The following FRMPD4 variants were observed in gnomAD, a reference collection of about 807,000 sequenced individuals.
FRMPD4 encodes the protein FERM and PDZ domain-containing protein 4.
A neutral mutation model predicts 94.1 loss-of-function variants in FRMPD4; 22 were observed. That is an observed-to-expected ratio of 0.23 (90% CI 0.17 to 0.33). FRMPD4 has a LOEUF of 0.33. FRMPD4 is among the 10% of genes least tolerant of loss of function. FRMPD4 has a pLI of 1.00. For missense variants in FRMPD4, 1,111 were observed against 1,339.9 expected (o/e 0.83, Z 2.67); for synonymous variants, 631 against 548.6 (o/e 1.15, Z -2.10).
chrX:12,701,856 C>G lies in FRMPD4; in HGVS notation c.934-18C>G. The G allele has an allele frequency of 8.3e-7, 1 of 1,209,786 alleles. No homozygotes were observed. Among genetic ancestry groups the G allele is most frequent in the Non-Finnish European group, 1.1e-6 (1 of 893,696 alleles). ...CCTATTCTTTGACAAGCTGTGCCCC[C>G]TGCTGGTCTCTTCGCAGAGTTGTAA... On this transcript the variant is annotated intron_variant, in intron 9 of 16. Transcript: ENST00000675598.
In FRMPD4 at chrX:12,687,982, A is replaced by G. The variant is rs2060043129; in HGVS notation, c.681+1778A>G. Among the ~76,000 whole-genome samples, 3 of 112,190 alleles carry G rather than the reference A, an allele frequency of 2.7e-5. No homozygotes were observed. The South Asian group carries it at 1.1e-3, about 42-fold the overall frequency. On this transcript the variant is annotated intron_variant, in intron 7 of 16. Coordinates refer to ENST00000675598, the MANE Select transcript of FRMPD4 (RefSeq NM_001368397.1). ...AGCGCAGACTATCTGGTATGGCCCA[A>G]GGCCACCCAGTAAACAAAAATACTC...
chrX:12,356,762 A>C (rs948676659), intron 1 of FRMPD4, among the ~76,000 whole-genome samples: 15 of 112,217 alleles, frequency 1.3e-4, no homozygotes, highest in African/African-American at 4.9e-4. Context: ...TGTGCTATTA[A>C]AAAAAGCATA....
chrX:11,922,992 C>A (rs751420871), intron 3 of FRMPD4, among the ~76,000 whole-genome samples: 1 of 112,668 alleles, frequency 8.9e-6, no homozygotes, highest in African/African-American at 3.2e-5. Context: ...GGGACCCACA[C>A]CATAACTTCT....
chrX:11,905,580 T>C (rs1325370132), intron 3 of FRMPD4, among the ~76,000 whole-genome samples: 2 of 111,721 alleles, frequency 1.8e-5, no homozygotes, highest in African/African-American at 6.5e-5. Flanking sequence ...GCATAGCCTA[T>C]TAGAAAGAGC....
At chrX:12,696,726 G>T in intron 9 of FRMPD4, among the ~76,000 whole-genome samples, 1 of 111,539 alleles carries the variant, frequency 9.0e-6, no homozygotes, top group South Asian at 3.7e-4. Context: ...ACTCTAGGTA[G>T]TTAATAACAC....
chrX:11,831,240 C>T (rs906526812), intron 1 of FRMPD4, among the ~76,000 whole-genome samples: 8 of 110,530 alleles, frequency 7.2e-5, no homozygotes, highest in Non-Finnish European at 1.3e-4. Context: ...AAACTTAAAG[C>T]GGAATATTAC....
At chrX:12,648,439 T>C (rs1287089335) in intron 4 of FRMPD4, among the ~76,000 whole-genome samples, 1 of 111,823 alleles carries the variant, frequency 8.9e-6, no homozygotes, top group Admixed American at 9.6e-5. Context: ...TCTCCACCAC[T>C]TTCCCTCCTA....
At chrX:12,085,467 G>A (rs749098358) in intron 3 of FRMPD4, among the ~76,000 whole-genome samples, 17 of 111,512 alleles carry the variant, frequency 1.5e-4, no homozygotes, top group African/African-American at 5.5e-4. Context: ...GAGCTCAGAA[G>A]TTTGAGGCTG....
intron 3 of FRMPD4, among the ~76,000 whole-genome samples, chrX:12,043,406 G>A (rs1296804724): frequency 9.0e-6 from 1 of 111,308 alleles, no homozygotes; most frequent in African/African-American, 3.3e-5. Context: ...GAGAAGAAAC[G>A]TTTAAGAAGC....
At chrX:12,061,882 G>T (rs779248743) in intron 3 of FRMPD4, among the ~76,000 whole-genome samples, 2 of 111,069 alleles carry the variant, frequency 1.8e-5, no homozygotes, top group Non-Finnish European at 3.8e-5. Flanking sequence ...CTGATATTAG[G>T]GAGATTTCAC....
intron 1 of FRMPD4, among the ~76,000 whole-genome samples, chrX:11,847,158 G>C (rs1465167903): frequency 9.0e-5 from 10 of 110,819 alleles, no homozygotes; most frequent in East Asian, 5.6e-4. Flanking sequence ...TATCCAGAAT[G>C]TACAATGAAC....
intron 1 of FRMPD4, among the ~76,000 whole-genome samples, chrX:12,162,213 G>A (rs1015651466): frequency 1.8e-5 from 2 of 112,113 alleles, no homozygotes; most frequent in African/African-American, 6.5e-5. Context: ...TTTCAGTGGT[G>A]TGTATAATTA....
intron 1 of FRMPD4, among the ~76,000 whole-genome samples, chrX:12,345,093 A>AATGG (rs201248034): frequency 3.0e-5 from 3 of 100,111 alleles, no homozygotes; most frequent in Admixed American, 1.0e-4. Flanking sequence ...TGAATGAATG[A>AATGG]ATGGATGGAT....
chrX:12,059,863 T>C, intron 3 of FRMPD4, among the ~76,000 whole-genome samples: 1 of 104,549 alleles, frequency 9.6e-6, no homozygotes, highest in Non-Finnish European at 2.0e-5. Context: ...CCACCATTGA[T>C]GGGCACTTAA....
At chrX:11,912,088 GC>G (rs759515935) in intron 3 of FRMPD4, among the ~76,000 whole-genome samples, 3 of 111,960 alleles carry the variant, frequency 2.7e-5, no homozygotes, top group Non-Finnish European at 5.6e-5. Context: ...CAATCCAGAA[GC>G]CCCACCGAAG....
chrX:11,824,194 G>A (rs978371326), intron 1 of FRMPD4, among the ~76,000 whole-genome samples: 2 of 111,412 alleles, frequency 1.8e-5, no homozygotes, highest in Admixed American at 9.5e-5. Flanking sequence ...GCAATATGGG[G>A]AAGACTTGGG....
chrX:12,126,865 T>A (rs1372705933), intron 3 of FRMPD4, among the ~76,000 whole-genome samples: 1 of 111,756 alleles, frequency 8.9e-6, no homozygotes, highest in Non-Finnish European at 1.9e-5. Context: ...ACTGAAAATA[T>A]CCCCTTACTG....
intron 2 of FRMPD4, among the ~76,000 whole-genome samples, chrX:12,585,752 C>T (rs2058922378): frequency 8.9e-6 from 1 of 112,039 alleles, no homozygotes; most frequent in Admixed American, 9.5e-5. Context: ...TGTGTCTAGT[C>T]TGATTTGAGA....
At chrX:12,500,269 T>C (rs748916090) in intron 2 of FRMPD4, among the ~76,000 whole-genome samples, 1 of 111,971 alleles carries the variant, frequency 8.9e-6, no homozygotes, top group South Asian at 3.8e-4. Flanking sequence ...GATTATGGAC[T>C]GATTAGCCAA....
Sources: allele counts gnomAD v4.1 joint callset (sites outside exome capture counted in the v4.1 genomes callset), GRCh38; gene constraint gnomAD v4.1.1; transcripts MANE v1.5; gene names NCBI Gene and HGNC (gene_info 2026-07-23, HGNC 2026-07-21).